RBMS1: variants seen among roughly 807,000 people sequenced by gnomAD.
RBMS1 encodes the protein RNA-binding motif, single-stranded-interacting protein 1.
A neutral mutation model predicts 62.3 loss-of-function variants in RBMS1; 17 were observed. That is an observed-to-expected ratio of 0.27 (90% CI 0.19 to 0.41). The LOEUF (loss-of-function observed/expected upper bound fraction) is 0.41, where lower values mean the gene tolerates loss of function less well. Ranked by LOEUF, RBMS1 falls within the 10% of genes least tolerant of loss-of-function variation. The pLI, the probability that RBMS1 is intolerant of heterozygous loss-of-function variation, is 1.00. For synonymous variants in RBMS1, 172 were observed against 170.0 expected, an observed-to-expected ratio of 1.01 and a Z score of -0.09; for missense variants, 334 against 504.5, an observed-to-expected ratio of 0.66 and a Z score of 3.24.
intron 2 of RBMS1, among the ~76,000 whole-genome samples, chr2:160,318,766 T>C (rs183693855): frequency 5.3e-5 from 8 of 152,360 alleles, no homozygotes; most frequent in Admixed American, 3.9e-4. Context: ...GCACACTTAA[T>C]GGTGTCAAAC....
At chr2:160,426,215 ACAG>A (rs1424161115) in intron 1 of RBMS1, among the ~76,000 whole-genome samples, 12 of 145,838 alleles carry the variant, frequency 8.2e-5, no homozygotes, top group African/African-American at 2.8e-4. Flanking sequence ...AGAGAGAGAG[ACAG>A]AAGAAAGAAA....
intron 2 of RBMS1, among the ~76,000 whole-genome samples, chr2:160,335,794 C>T (rs1414254795): frequency 6.6e-6 from 1 of 152,148 alleles, no homozygotes; most frequent in African/African-American, 2.4e-5. Flanking sequence ...GGCACATTTA[C>T]GGATTGGTTC....
intron 1 of RBMS1, among the ~76,000 whole-genome samples, chr2:160,467,418 C>A (rs1684741734): frequency 6.6e-6 from 1 of 152,154 alleles, no homozygotes; most frequent in Admixed American, 6.5e-5. Context: ...GAACCTTATG[C>A]ACAGCAAGGA....
intron 1 of RBMS1, among the ~76,000 whole-genome samples, chr2:160,374,661 G>A (rs746440663): frequency 1.1e-4 from 16 of 152,198 alleles, no homozygotes; most frequent in Non-Finnish European, 1.8e-4. Context: ...TGGGCACGGT[G>A]GCTCATGCCT....
At chr2:160,430,677 A>C (rs1682853797) in intron 1 of RBMS1, among the ~76,000 whole-genome samples, 1 of 152,202 alleles carries the variant, frequency 6.6e-6, no homozygotes, top group African/African-American at 2.4e-5. Context: ...AAAAGTAAAA[A>C]TAGTATTTTG....
chr2:160,299,206 G>C (rs1689088830), intron 6 of RBMS1, among the ~76,000 whole-genome samples: 1 of 152,198 alleles, frequency 6.6e-6, no homozygotes, highest in Admixed American at 6.5e-5. Flanking sequence ...AGGAAGTGAA[G>C]ACTACACTTT....
At chr2:160,393,425 C>T (rs575326583) in intron 1 of RBMS1, among the ~76,000 whole-genome samples, 1 of 152,292 alleles carries the variant, frequency 6.6e-6, no homozygotes, top group East Asian at 1.9e-4. Flanking sequence ...GTTCTTGGCC[C>T]ATAATGTACT....
chr2:160,363,075 T>C (rs1342598233), intron 2 of RBMS1, among the ~76,000 whole-genome samples: 5 of 152,244 alleles, frequency 3.3e-5, no homozygotes, highest in African/African-American at 1.2e-4. Context: ...ACCAGCTCTT[T>C]TACTTACATT....
In RBMS1 at chr2:160,407,117, G is replaced by A. The variant is rs115986042; in HGVS notation, c.76-39726C>T. Reference sequence around the variant, plus strand: ...TTCCTAGCGAAGACTGCACACCAGCGTGACGACTTATTACCGCACTCCGCT... The same window carrying A: ...TTCCTAGCGAAGACTGCACACCAGCATGACGACTTATTACCGCACTCCGCT... On this transcript the variant is annotated intron_variant, in intron 1 of 13. Transcript: ENST00000348849. 6.9e-4 allele frequency among the ~76,000 whole-genome samples: 105 copies of A among 152,274 alleles called. 2 individuals are homozygous for A. The highest frequency in any genetic ancestry group is 1.3e-3 in the Non-Finnish European group (87 of 68,018).
At chr2:160,359,973 G>A (rs990444488) in intron 2 of RBMS1, among the ~76,000 whole-genome samples, 7 of 152,102 alleles carry the variant, frequency 4.6e-5, no homozygotes, top group Admixed American at 3.9e-4. Flanking sequence ...TTAAATCCCA[G>A]CTACTTGGGA....
chr2:160,433,516 A>AT (rs1337181625), intron 1 of RBMS1, among the ~76,000 whole-genome samples: 1 of 152,230 alleles, frequency 6.6e-6, no homozygotes, highest in East Asian at 1.9e-4. Flanking sequence ...ACAAAATTCC[A>AT]TTTTTAGCTT....
chr2:160,378,790 C>A (rs555628405), intron 1 of RBMS1, among the ~76,000 whole-genome samples: 2 of 152,180 alleles, frequency 1.3e-5, no homozygotes, highest in Non-Finnish European at 2.9e-5. Flanking sequence ...CAAGTTACTT[C>A]ATACTCTGTT....
At chr2:160,370,180 A>T (rs1035972651) in intron 1 of RBMS1, among the ~76,000 whole-genome samples, 9 of 152,236 alleles carry the variant, frequency 5.9e-5, no homozygotes, top group African/African-American at 1.9e-4. Flanking sequence ...TATACAGAAC[A>T]AAGTTCAAAT....
intron 2 of RBMS1, among the ~76,000 whole-genome samples, chr2:160,323,788 A>G (rs1400852353): frequency 6.6e-6 from 1 of 152,196 alleles, no homozygotes; most frequent in Non-Finnish European, 1.5e-5. Flanking sequence ...ATTAAGAGAC[A>G]TGACTATATA....
At chr2:160,479,895 C>A (rs10178094) in intron 1 of RBMS1, among the ~76,000 whole-genome samples, 72,694 of 151,998 alleles carry the variant, frequency 0.48, 17,974 homozygotes, top group Admixed American at 0.57. Flanking sequence ...AGAATTAATA[C>A]GCTTTGAAGG....
chr2:160,351,787 C>T (rs1692527143), intron 2 of RBMS1, among the ~76,000 whole-genome samples: 3 of 152,024 alleles, frequency 2.0e-5, no homozygotes. Flanking sequence ...AAGTGAGCCA[C>T]TTTGATAATA....
At chr2:160,477,142 T>A (rs932755784) in intron 1 of RBMS1, among the ~76,000 whole-genome samples, 14 of 152,140 alleles carry the variant, frequency 9.2e-5, no homozygotes, top group African/African-American at 3.4e-4. Flanking sequence ...AACGAAAGAA[T>A]GAAACTTTAC....
chr2:160,282,558 T>C (rs1177511891), intron 9 of RBMS1: 1 of 281,958 alleles, frequency 3.5e-6, no homozygotes, highest in Non-Finnish European at 7.2e-6. Context: ...TTTTATATGC[T>C]TCAGTGGTCT....
In RBMS1 at chr2:160,277,189, C is replaced by G. The variant is rs768922816; in HGVS notation, c.1143+114G>C. On this transcript the variant is annotated intron_variant, in intron 12 of 13. Transcript: ENST00000348849. ...GCATGACCCACCACATCTGGCTAAA[C>G]GCAATTCTTTATGCAAATATTTGAC... 9 of 979,774 alleles carry G rather than the reference C, an allele frequency of 9.2e-6. No homozygotes were observed. In the East Asian group the frequency reaches 2.3e-4, roughly 25 times the overall value. The allele number at this position is 979,774 out of a possible 1,614,324, so 60.7% of individuals were successfully genotyped here.
Sources: gnomAD v4.1 joint callset for allele counts (sites outside exome capture counted in the v4.1 genomes callset) on GRCh38, gnomAD v4.1.1 for gene constraint, MANE v1.5 for transcripts, NCBI Gene and HGNC (gene_info 2026-07-23, HGNC 2026-07-21) for gene names.